Variants in DGKZ observed in about 807,000 individuals in gnomAD.
DGKZ encodes DAG kinase zeta.
DGKZ carries 45 observed loss-of-function variants against 142.5 expected under a neutral mutation model. That is an observed-to-expected ratio of 0.32 (90% CI 0.25 to 0.40). DGKZ has a LOEUF of 0.40. Among genes scored for constraint, DGKZ ranks in the 10% least tolerant of loss-of-function variants. DGKZ has a pLI of 1.00. For missense variants in DGKZ, 755 were observed against 1,306.5 expected, an observed-to-expected ratio of 0.58 and a Z score of 6.51; for synonymous variants, 442 against 527.0, an observed-to-expected ratio of 0.84 and a Z score of 2.21.
At position 46,372,193 on chromosome 11, in the gene DGKZ, G is replaced by A; in HGVS notation, c.927+23G>A. 1 of 1,582,282 alleles carries A rather than the reference G, an allele frequency of 6.3e-7. No individual in the cohort carries two copies. Among genetic ancestry groups the A allele is most frequent in the Non-Finnish European group, 8.6e-7 (1 of 1,161,346 alleles). ...CAGGTGAACGCGGCCTTGCCTCTCA[G>A]CTAAGGGCTCGGGCGGGGGTTGGGG... On this transcript the variant is annotated intron_variant, in intron 10 of 30. Transcript: ENST00000527911. This position sits in a 1 kb window ranked among gnomAD's most constrained non-coding sequence, Gnocchi z 5.9.
chr11:46,374,884 G>T, intron 18 of DGKZ, 45 bp downstream of exon 18: 1 of 1,583,358 alleles, frequency 6.3e-7, no homozygotes, highest in Non-Finnish European at 8.6e-7. Context: ...TGCTGTCCTT[G>T]TCCTGCAGAG....
intron 1 of DGKZ, chr11:46,366,461 G>A (rs901998): frequency 1.3e-6 from 2 of 1,560,582 alleles, no homozygotes; most frequent in African/African-American, 1.4e-5. Flanking sequence ...GAGGGCCCAG[G>A]GTTCCAGCCG....
In DGKZ at chr11:46,366,320, C is replaced by T. The variant is rs534357697; in HGVS notation, c.162-971C>T. The T allele has an allele frequency of 4.3e-5, 68 of 1,572,544 alleles. No individual in the cohort carries two copies. Among genetic ancestry groups the T allele is most frequent in the East Asian group, 2.5e-4 (11 of 44,424 alleles). On this transcript the variant is annotated intron_variant, in intron 1 of 30. Coordinates refer to ENST00000527911, the Ensembl canonical transcript of DGKZ. Reference sequence around the variant, plus strand: ...GCCAGGCCCTGGAGAGGGGCAGCAGCGGCCCAGCAGCGTGGGGCTGCCCAC... The same window carrying T: ...GCCAGGCCCTGGAGAGGGGCAGCAGTGGCCCAGCAGCGTGGGGCTGCCCAC...
chr11:46,369,503 C>T (rs202018019), exon 5 of DGKZ: 12 of 1,613,880 alleles, frequency 7.4e-6, no homozygotes, highest in Non-Finnish European at 7.6e-6. Flanking sequence ...GATAAATTTC[C>T]GCTGTAAGCC....
chr11:46,347,158 C>G (rs1335018499), upstream of DGKZ, among the ~76,000 whole-genome samples: 1 of 152,082 alleles, frequency 6.6e-6, no homozygotes, highest in African/African-American at 2.4e-5. This position sits in a 1 kb window ranked among gnomAD's most constrained non-coding sequence, Gnocchi z 6.4. Flanking sequence ...TGTGAGCGTG[C>G]AGTTGTTTGG....
upstream of DGKZ, chr11:46,347,338 A>C (rs1940740181): frequency 1.6e-5 from 16 of 984,834 alleles, no homozygotes; most frequent in Non-Finnish European, 1.8e-5. This position sits in a 1 kb window ranked among gnomAD's most constrained non-coding sequence, Gnocchi z 6.4. Flanking sequence ...AGCGGGCTGC[A>C]GCGCAGCGGG....
At chr11:46,340,073 G>A (rs1484444896) in intron 1 of DGKZ, among the ~76,000 whole-genome samples, 2 of 152,240 alleles carry the variant, frequency 1.3e-5, no homozygotes, top group African/African-American at 4.8e-5. Context: ...GCTAAGGTTG[G>A]CAGAAGTTAA....
At chr11:46,342,093 A>C (rs1409228091) in intron 1 of DGKZ, among the ~76,000 whole-genome samples, 1 of 152,120 alleles carries the variant, frequency 6.6e-6, no homozygotes, top group African/African-American at 2.4e-5. Flanking sequence ...GTAGAACACC[A>C]ACCTCTGGGG....
intron 27 of DGKZ, chr11:46,378,739 A>G: frequency 1.2e-6 from 1 of 843,476 alleles, no homozygotes; most frequent in Non-Finnish European, 1.9e-6. Context: ...GTGCTTAGAA[A>G]GGAGCAGGTC....
At chr11:46,380,442 CG>C (rs1945086563), downstream of DGKZ, 1 of 154,738 alleles carries the variant, frequency 6.5e-6, no homozygotes, top group African/African-American at 2.4e-5. Flanking sequence ...CGACCCTCCC[CG>C]CTCCCCTGTC....
At chr11:46,350,331 A>C (rs1194542696) in intron 1 of DGKZ, among the ~76,000 whole-genome samples, 3 of 152,126 alleles carry the variant, frequency 2.0e-5, no homozygotes, top group Non-Finnish European at 4.4e-5. Flanking sequence ...TGCCCCCTCC[A>C]ATGCTGCTTG....
At position 46,371,689 on chromosome 11, in the gene DGKZ, C is replaced by T; in HGVS notation, c.760-15C>T. On this transcript the variant is annotated splice_polypyrimidine_tract_variant and intron_variant, in intron 8 of 30. Coordinates refer to ENST00000527911, the Ensembl canonical transcript of DGKZ. ...CCTGCCCACCTCGTCACCAACACCC[C>T]TGCTTCCCTTGCAGAATACTCTGAA... 1 of 1,613,968 alleles carries T rather than the reference C, an allele frequency of 6.2e-7. No homozygotes were observed. The highest frequency in any genetic ancestry group is 8.5e-7 in the Non-Finnish European group (1 of 1,179,982).
chr11:46,337,456 G>C (rs528298198), intron 1 of DGKZ, among the ~76,000 whole-genome samples: 1 of 151,586 alleles, frequency 6.6e-6, no homozygotes, highest in African/African-American at 2.4e-5. Flanking sequence ...CCACCACGCC[G>C]GGCTAATTTT....
At chr11:46,333,189 G>A in exon 1 of DGKZ, 1 of 1,156,440 alleles carries the variant, frequency 8.6e-7, no homozygotes, top group Non-Finnish European at 1.1e-6. Flanking sequence ...TCCCCGCCTC[G>A]CGTCCCCGGC....
Position 46,371,350 on chromosome 11 carries a change from TTG to T in DGKZ, c.611_612del (p.Val204GlyfsTer73), listed in dbSNP as rs1344545501. 1 of 1,613,786 alleles carries T rather than the reference TTG, an allele frequency of 6.2e-7. No individual in the cohort carries two copies. Among genetic ancestry groups the T allele is most frequent in the East Asian group, 2.2e-5 (1 of 44,884 alleles). ...AAGTTCACCTTCCACAGCAAGGAGATTGTGGCCATCAGCTGCTCGTGGTGCAA... is the reference window on the plus strand; with the variant it reads ...AAGTTCACCTTCCACAGCAAGGAGATTGGCCATCAGCTGCTCGTGGTGCAA... On this transcript the variant is annotated frameshift_variant, in exon 7 of 31. Coordinates refer to ENST00000527911, the Ensembl canonical transcript of DGKZ. LOFTEE classifies it high-confidence loss of function.
At chr11:46,379,800 C>T in intron 30 of DGKZ, 31 bp from the exon 31 acceptor site, 2 of 1,583,230 alleles carry the variant, frequency 1.3e-6, no homozygotes, top group Non-Finnish European at 1.7e-6. Context: ...TGCCTCTGGC[C>T]CCTGCTGATC....
At chr11:46,354,769 C>T (rs375078825) in intron 1 of DGKZ, among the ~76,000 whole-genome samples, 27 of 152,192 alleles carry the variant, frequency 1.8e-4, no homozygotes, top group Non-Finnish European at 3.5e-4. Flanking sequence ...AGTGCTGTTT[C>T]GTATGATTTT....
Position 46,367,383 on chromosome 11 carries a change from G to A in DGKZ, c.254G>A (p.Ser85Asn), listed in dbSNP as rs141189455. Reference sequence around the variant, plus strand: ...AGCGAGTCAGAGCGGCAGATCCGGAGTACAGTGGACTGGAGCGTGAGTGCC... The same window carrying A: ...AGCGAGTCAGAGCGGCAGATCCGGAATACAGTGGACTGGAGCGTGAGTGCC... Residue 85 changes from serine to asparagine, a missense_variant, in exon 2 of 31, where the codon AGT becomes AAT. Transcript: ENST00000527911. This position sits in a 1 kb window ranked among gnomAD's most constrained non-coding sequence, Gnocchi z 4.1. 1.1e-3 allele frequency: 1,751 copies of A among 1,613,056 alleles called. 2 individuals carry two copies. Among genetic ancestry groups the A allele is most frequent in the Non-Finnish European group, 1.3e-3 (1,570 of 1,179,998 alleles).
At chr11:46,371,438 C>G (rs1173592554) in intron 7 of DGKZ, 49 bp from the exon 8 acceptor site, 2 of 1,608,468 alleles carry the variant, frequency 1.2e-6, no homozygotes, top group Non-Finnish European at 1.7e-6. Context: ...GGTTTGGGTC[C>G]CCGAGTCTGA....
Sources: gnomAD v4.1 joint callset for allele counts (sites outside exome capture counted in the v4.1 genomes callset) on GRCh38, gnomAD v4.1.1 for gene constraint, Gnocchi (gnomAD v3.1) non-coding constraint, MANE v1.5 for transcripts, NCBI Gene and HGNC (gene_info 2026-07-23, HGNC 2026-07-21) for gene names.